TRHDE: variants seen among roughly 807,000 people sequenced by gnomAD.
TRHDE encodes the protein thyrotropin-releasing hormone-degrading ectoenzyme.
A neutral mutation model predicts 125.7 loss-of-function variants in TRHDE; 72 were observed. That is an observed-to-expected ratio of 0.57 (90% CI 0.47 to 0.70). The LOEUF is 0.70. TRHDE is among the 30% of genes least tolerant of loss of function. The probability of loss-of-function intolerance (pLI) is 0.00; values close to 1 mark genes in which losing one functional copy is unlikely to be tolerated. For missense variants in TRHDE, 1,110 were observed against 1,327.1 expected (o/e 0.84, Z 2.54); for synonymous variants, 509 against 509.1 (o/e 1.00, Z 0.00).
chr12:72,581,339 A>C (rs146025717), intron 12 of TRHDE, among the ~76,000 whole-genome samples: 85 of 152,374 alleles, frequency 5.6e-4, no homozygotes, highest in Non-Finnish European at 1.2e-3. Flanking sequence ...AAATGTGCAT[A>C]TCACTGGGTT....
At chr12:72,208,544 C>A (rs1429030647) in intron 2 of TRHDE, among the ~76,000 whole-genome samples, 1 of 152,278 alleles carries the variant, frequency 6.6e-6, no homozygotes. Context: ...CTTAGGAGTA[C>A]AGACTGCTGG....
chr12:72,298,871 G>A (rs1280232522), intron 2 of TRHDE, among the ~76,000 whole-genome samples: 1 of 152,080 alleles, frequency 6.6e-6, no homozygotes, highest in East Asian at 1.9e-4. Flanking sequence ...GCTGCCATTT[G>A]GGTCTAGCTC....
intron 2 of TRHDE, among the ~76,000 whole-genome samples, chr12:72,175,623 C>G (rs1876969807): frequency 6.6e-6 from 1 of 152,164 alleles, no homozygotes; most frequent in Non-Finnish European, 1.5e-5. Flanking sequence ...AATGAGGTCA[C>G]CTTTTTGCTT....
chr12:72,654,561 T>C (rs1292271622), intron 17 of TRHDE, among the ~76,000 whole-genome samples: 1 of 152,168 alleles, frequency 6.6e-6, no homozygotes, highest in Non-Finnish European at 1.5e-5. Flanking sequence ...TGATGGATAA[T>C]TGGCCATAGA....
intron 2 of TRHDE, among the ~76,000 whole-genome samples, chr12:72,168,848 A>G (rs1283917148): frequency 6.6e-6 from 1 of 152,144 alleles, no homozygotes; most frequent in Non-Finnish European, 1.5e-5. Context: ...TTCTGCTCTA[A>G]GGTTAGGATT....
At chr12:72,621,266 A>G in intron 14 of TRHDE, 61 bp downstream of exon 14, 3 of 1,070,406 alleles carry the variant, frequency 2.8e-6, no homozygotes, top group Non-Finnish European at 4.3e-6. Flanking sequence ...ATGTACTACT[A>G]GTGCCATTGT....
At chr12:72,276,274 T>TA (rs1182623673) in intron 1 of TRHDE, among the ~76,000 whole-genome samples, 1 of 152,228 alleles carries the variant, frequency 6.6e-6, no homozygotes, top group Non-Finnish European at 1.5e-5. Context: ...ATTTGATTAA[T>TA]GATTAAACAT....
intron 2 of TRHDE, among the ~76,000 whole-genome samples, chr12:72,295,303 C>T (rs778267833): frequency 3.3e-5 from 5 of 152,052 alleles, no homozygotes; most frequent in South Asian, 2.1e-4. Flanking sequence ...CTGGCTCTCG[C>T]GGGCTCCATG....
chr12:72,627,517 C>A (rs1214865989), intron 15 of TRHDE, among the ~76,000 whole-genome samples: 1 of 151,814 alleles, frequency 6.6e-6, no homozygotes, highest in South Asian at 2.1e-4. Flanking sequence ...TCATCAAAAT[C>A]ATCATTACTA....
chr12:72,130,510 A>T (rs551952432), intron 2 of TRHDE, among the ~76,000 whole-genome samples: 36 of 152,284 alleles, frequency 2.4e-4, no homozygotes, highest in African/African-American at 8.7e-4. Context: ...CTCCAGAGAG[A>T]TGAACAACTA....
At chr12:72,406,667 A>T (rs1259829285) in intron 3 of TRHDE, among the ~76,000 whole-genome samples, 1 of 151,998 alleles carries the variant, frequency 6.6e-6, no homozygotes, top group Non-Finnish European at 1.5e-5. Flanking sequence ...CTTTGTTTTC[A>T]CCGCTAGAGT....
intron 2 of TRHDE, among the ~76,000 whole-genome samples, chr12:72,301,098 G>C (rs1309582881): frequency 6.6e-6 from 1 of 152,084 alleles, no homozygotes; most frequent in Non-Finnish European, 1.5e-5. Context: ...GTATCAGTGA[G>C]AGAAAAATGA....
rs534456573 is a variant in TRHDE at position 72,361,556 on chromosome 12, T to A, written c.1189-16439T>A. On this transcript the variant is annotated intron_variant, in intron 2 of 18. Coordinates refer to ENST00000261180, the MANE Select transcript of TRHDE (RefSeq NM_013381.3). ...ATGAGTAGGTGTTTTATAATTTATT[T>A]TTTTTTTATTTTATTATTATTATAC... 3.4e-4 allele frequency among the ~76,000 whole-genome samples: 52 copies of A among 151,696 alleles called. 1 individual carries two copies. Among genetic ancestry groups the A allele is most frequent in the Admixed American group, 2.6e-3 (39 of 15,192 alleles).
intron 2 of TRHDE, among the ~76,000 whole-genome samples, chr12:72,156,577 G>C (rs1379488842): frequency 6.6e-6 from 1 of 152,148 alleles, no homozygotes; most frequent in African/African-American, 2.4e-5. Context: ...TAGAGAGAGT[G>C]TTAGAAAAAT....
At chr12:72,500,824 G>A (rs1878118642) in intron 6 of TRHDE, among the ~76,000 whole-genome samples, 1 of 146,964 alleles carries the variant, frequency 6.8e-6, no homozygotes, top group Non-Finnish European at 1.5e-5. Flanking sequence ...TTTTGGTTGG[G>A]TCCTGTTAGT....
At chr12:72,392,743 C>G (rs868470779) in intron 3 of TRHDE, among the ~76,000 whole-genome samples, 53 of 152,250 alleles carry the variant, frequency 3.5e-4, no homozygotes, top group African/African-American at 1.3e-3. Context: ...TTGGTAACCC[C>G]TTTAGTTTAA....
At chr12:72,524,337 A>G (rs1868297555) in intron 6 of TRHDE, among the ~76,000 whole-genome samples, 1 of 152,140 alleles carries the variant, frequency 6.6e-6, no homozygotes, top group African/African-American at 2.4e-5. Context: ...CTTCCAGAAA[A>G]TCGTTCATAT....
chr12:72,120,454 A>G (rs940452348), intron 2 of TRHDE, among the ~76,000 whole-genome samples: 1 of 148,876 alleles, frequency 6.7e-6, no homozygotes, highest in East Asian at 2.0e-4. Flanking sequence ...CTTTAAGGTG[A>G]TTTTCTCTCG....
At chr12:72,220,641 G>C (rs979936935) in intron 2 of TRHDE, among the ~76,000 whole-genome samples, 1 of 151,902 alleles carries the variant, frequency 6.6e-6, no homozygotes, top group Non-Finnish European at 1.5e-5. Flanking sequence ...TCACTCAAAG[G>C]TTACTCCCAT....
Sources: gnomAD v4.1 joint callset for allele counts (sites outside exome capture counted in the v4.1 genomes callset) on GRCh38, gnomAD v4.1.1 for gene constraint, MANE v1.5 for transcripts, NCBI Gene and HGNC (gene_info 2026-07-23, HGNC 2026-07-21) for gene names.